Variants in PCCA observed in about 807,000 individuals in gnomAD.
PCCA encodes propionyl-CoA carboxylase alpha chain, mitochondrial.
A neutral mutation model predicts 101.3 loss-of-function variants in PCCA; 74 were observed. The ratio of observed to expected loss-of-function variants is 0.73; its 90% CI spans 0.61 to 0.89. The LOEUF is 0.89. PCCA is among the 40% of genes least tolerant of loss of function. The pLI, the probability that PCCA is intolerant of heterozygous loss-of-function variation, is 0.00. For synonymous variants in PCCA, 294 were observed against 313.6 expected (o/e 0.94, Z 0.66); for missense variants, 891 against 907.0 (o/e 0.98, Z 0.23).
chr13:100,504,305 G>T (rs555986374), intron 21 of PCCA, among the ~76,000 whole-genome samples: 2 of 152,320 alleles, frequency 1.3e-5, no homozygotes, highest in African/African-American at 4.8e-5. Context: ...ATAGGACAAC[G>T]TTCCAAGTCG....
intron 8 of PCCA, among the ~76,000 whole-genome samples, chr13:100,255,016 G>T (rs889544114): frequency 1.3e-5 from 2 of 152,026 alleles, no homozygotes; most frequent in Non-Finnish European, 2.9e-5. Context: ...AGTCTAAGAG[G>T]TCAAGGCTGC....
chr13:100,146,304 C>T (rs150256604), intron 4 of PCCA, among the ~76,000 whole-genome samples: 21,441 of 149,894 alleles, frequency 0.14, 1,636 homozygotes, highest in Non-Finnish European at 0.18. Flanking sequence ...TGGCTGGGCG[C>T]GGTGGCTCAT....
At chr13:100,512,610 A>G (rs931185064) in intron 21 of PCCA, among the ~76,000 whole-genome samples, 1 of 151,934 alleles carries the variant, frequency 6.6e-6, no homozygotes, top group Non-Finnish European at 1.5e-5. Context: ...GCCCAGCCCC[A>G]CCCACAGGCA....
chr13:100,171,041 T>C (rs2055585749), intron 6 of PCCA, among the ~76,000 whole-genome samples: 1 of 152,200 alleles, frequency 6.6e-6, no homozygotes, highest in Non-Finnish European at 1.5e-5. Context: ...CAGTAGAGTT[T>C]TCCATGTAAC....
At chr13:100,383,136 G>T (rs562272703) in intron 19 of PCCA, among the ~76,000 whole-genome samples, 1 of 152,048 alleles carries the variant, frequency 6.6e-6, no homozygotes, top group South Asian at 2.1e-4. Context: ...GACTACAGGG[G>T]CATGCTACCA....
intron 2 of PCCA, among the ~76,000 whole-genome samples, chr13:100,104,791 C>T (rs1000633731): frequency 3.3e-5 from 5 of 152,118 alleles, no homozygotes; most frequent in African/African-American, 1.2e-4. Context: ...GCAACCTCCA[C>T]CTCCCAGGTT....
At chr13:100,506,142 G>C (rs907617362) in intron 21 of PCCA, among the ~76,000 whole-genome samples, 4 of 152,126 alleles carry the variant, frequency 2.6e-5, no homozygotes, top group Non-Finnish European at 4.4e-5. Context: ...GGGCTTTCAT[G>C]CTCTGCTGCT....
intron 1 of PCCA, among the ~76,000 whole-genome samples, chr13:100,095,945 A>G (rs1346879271): frequency 6.6e-6 from 1 of 152,132 alleles, no homozygotes; most frequent in African/African-American, 2.4e-5. Context: ...GGAAGAGTGG[A>G]AACAGAGAGA....
At chr13:100,471,880 G>A (rs1256507538) in intron 21 of PCCA, among the ~76,000 whole-genome samples, 1 of 152,190 alleles carries the variant, frequency 6.6e-6, no homozygotes, top group East Asian at 1.9e-4. Context: ...CCGGAGCTCT[G>A]TGGGCCTTGT....
intron 21 of PCCA, among the ~76,000 whole-genome samples, chr13:100,504,389 G>A (rs1484849621): frequency 6.6e-6 from 1 of 152,230 alleles, no homozygotes; most frequent in African/African-American, 2.4e-5. Flanking sequence ...GACACTTCCA[G>A]TGGAGAGAGT....
chr13:100,301,166 A>G (rs2152683433), intron 12 of PCCA, among the ~76,000 whole-genome samples: 1 of 152,338 alleles, frequency 6.6e-6, no homozygotes, highest in East Asian at 1.9e-4. Flanking sequence ...TTGGTTAAGA[A>G]TTAGTTTCAA....
intron 19 of PCCA, among the ~76,000 whole-genome samples, chr13:100,377,639 C>T (rs1167316249): frequency 3.3e-5 from 5 of 152,006 alleles, no homozygotes; most frequent in South Asian, 2.1e-4. Context: ...GGACTACAGG[C>T]GCCTGCCACC....
chr13:100,146,712 TAGAA>T (rs958563514), intron 4 of PCCA, among the ~76,000 whole-genome samples: 1 of 152,120 alleles, frequency 6.6e-6, no homozygotes, highest in Admixed American at 6.5e-5. Flanking sequence ...TTAATAAAAT[TAGAA>T]AGATAAATCA....
chr13:100,309,799 A>C (rs2066761658), intron 15 of PCCA, 34 bp from the exon 16 acceptor site: 1 of 1,283,168 alleles, frequency 7.8e-7, no homozygotes, highest in Non-Finnish European at 1.1e-6. Context: ...CTAAATATAT[A>C]TATATATTGG....
intron 6 of PCCA, among the ~76,000 whole-genome samples, chr13:100,178,784 T>G (rs2056476717): frequency 6.6e-6 from 1 of 152,086 alleles, no homozygotes; most frequent in South Asian, 2.1e-4. Context: ...TTTTAATTAA[T>G]TAAAATGTGT....
At chr13:100,240,386 A>G (rs2061049769) in intron 8 of PCCA, among the ~76,000 whole-genome samples, 1 of 147,560 alleles carries the variant, frequency 6.8e-6, no homozygotes, top group African/African-American at 2.5e-5. Flanking sequence ...TTTTTTTTTA[A>G]TCTTTTGCGG....
intron 8 of PCCA, among the ~76,000 whole-genome samples, chr13:100,253,943 G>T (rs2061916129): frequency 1.3e-5 from 2 of 150,966 alleles, no homozygotes; most frequent in South Asian, 4.2e-4. Flanking sequence ...TATGCTCTGT[G>T]TATTAGTCCA....
chr13:100,259,442 C>A (rs1415175266), intron 9 of PCCA, among the ~76,000 whole-genome samples: 1 of 141,140 alleles, frequency 7.1e-6, no homozygotes, highest in African/African-American at 2.6e-5. Context: ...TCAAGTGATT[C>A]TCCTGCCTCA....
chr13:100,111,916 A>C (rs370774033), intron 3 of PCCA, 28 bp downstream of exon 3: 1 of 1,598,904 alleles, frequency 6.3e-7, no homozygotes. Context: ...CTTATTTTCC[A>C]TTTTACTCTG....
Sources: gnomAD v4.1 joint callset for allele counts (sites outside exome capture counted in the v4.1 genomes callset) on GRCh38, gnomAD v4.1.1 for gene constraint, MANE v1.5 for transcripts, NCBI Gene and HGNC (gene_info 2026-07-23, HGNC 2026-07-21) for gene names.